The following TOPAZ1 variants were observed in gnomAD, a reference collection of about 807,000 sequenced individuals.
TOPAZ1 encodes the protein protein TOPAZ1.
A neutral mutation model predicts 172.2 loss-of-function variants in TOPAZ1; 66 were observed. The observed-to-expected ratio is 0.38, with a 90% CI of 0.31 to 0.47. The LOEUF (loss-of-function observed/expected upper bound fraction) is 0.47. TOPAZ1 is among the 20% of genes least tolerant of loss of function. The probability of loss-of-function intolerance (pLI) is 0.99; values close to 1 mark genes in which losing one functional copy is unlikely to be tolerated. For missense variants in TOPAZ1, 1,822 were observed against 1,972.4 expected, an observed-to-expected ratio of 0.92 and a Z score of 1.44; for synonymous variants, 681 against 683.9, an observed-to-expected ratio of 1.00 and a Z score of 0.07.
chr3:44,269,225 T>A lies in TOPAZ1; in HGVS notation c.3170T>A (p.Phe1057Tyr), dbSNP rs1454267815. ...ILNTWMNDFR[F>Y]LGKHSVLKLQ... ...TCTAAATCATTTCTAGATTTCAGAT[T>A]TCTGGGAAAACATTCTGTCCTAAAG... Residue 1057 changes from phenylalanine to tyrosine, a missense_variant, in exon 7 of 20, where the codon TTT becomes TAT. Physicochemically the swap from Phe to Tyr is conservative, Grantham distance 22. This residue lies in a region of TOPAZ1 where 1,489 missense variants were observed against 1,490.8 expected (regional missense o/e 1.00). Transcript: ENST00000309765. The A allele has an allele frequency of 6.5e-7, 1 of 1,544,860 alleles. No homozygotes were observed. The highest frequency in any genetic ancestry group is 1.7e-4 in the Middle Eastern group (1 of 5,974).
rs1324325873 is a variant in TOPAZ1 at position 44,245,064 on chromosome 3, T to C, written c.2558T>C (p.Ile853Thr). The C allele has an allele frequency of 1.3e-6, 2 of 1,551,572 alleles. No individual in the cohort carries two copies. The highest frequency in any genetic ancestry group is 3.9e-5 in the Admixed American group (2 of 50,966). Residue 853 changes from isoleucine (I) to threonine (T), a missense_variant, in exon 2 of 20, where the codon ATT (isoleucine) becomes ACT (threonine). Around this residue, in one of 2 missense-constraint regions of TOPAZ1, gnomAD observed 1,489 missense variants for 1,490.8 expected, o/e 1.00. Transcript: ENST00000309765. ...TTTTCAGAGGTAGGGTTTCCAGATA[T>C]TCTTAAAGCATATGAAGATGACGTC... is the stretch of plus-strand genomic sequence containing the variant. ...KNFSEVGFPD[I>T]LKAYEDDVLL...
chr3:44,269,942 A>C (rs1699877892), intron 7 of TOPAZ1, among the ~76,000 whole-genome samples: 1 of 152,184 alleles, frequency 6.6e-6, no homozygotes, highest in South Asian at 2.1e-4. Flanking sequence ...TTTTTTAAGC[A>C]GTTCCAGATA....
chr3:44,323,112 T>C lies in TOPAZ1; in HGVS notation c.4492T>C (p.Tyr1498His). 1.9e-6 allele frequency: 3 copies of C among 1,541,470 alleles called. No homozygotes were observed. Among genetic ancestry groups the C allele is most frequent in the Non-Finnish European group, 2.6e-6 (3 of 1,142,182 alleles). Residue 1498 changes from tyrosine (Y) to histidine (H), a missense_variant, in exon 18 of 20, where the codon TAT (tyrosine) becomes CAT (histidine). Physicochemically the swap from Tyr to His is moderately conservative, Grantham distance 83 (BLOSUM62 2). This residue lies in a region of TOPAZ1 where 333 missense variants were observed against 481.7 expected (regional missense o/e 0.69). Transcript: ENST00000309765. ...TCCAGAAACTGTGGAAGTCTCACAA[T>C]ATAGCCTTCTTTTTAATAAGCTTCT... Reference protein sequence around the residue: ...NSQETVEVSQYSLLFNKLLGS... With the variant: ...NSQETVEVSQHSLLFNKLLGS...
chr3:44,262,624 G>A (rs1365007182), intron 5 of TOPAZ1, 141 bp downstream of exon 5: 1 of 423,106 alleles, frequency 2.4e-6, no homozygotes, highest in African/African-American at 2.1e-5. Flanking sequence ...TAATTAATGT[G>A]TCAGATGTAC....
chr3:44,326,728 C>A (rs967081563), intron 18 of TOPAZ1, among the ~76,000 whole-genome samples: 24 of 152,046 alleles, frequency 1.6e-4, no homozygotes, highest in African/African-American at 5.6e-4. Context: ...ATTTGTTCTC[C>A]TTTGTCCTAA....
intron 12 of TOPAZ1, among the ~76,000 whole-genome samples, chr3:44,291,778 GTAA>G (rs1251778845): frequency 6.6e-6 from 1 of 151,478 alleles, no homozygotes; most frequent in Non-Finnish European, 1.5e-5. Context: ...CTTTTTAAAT[GTAA>G]TTAGATTTGA....
At chr3:44,299,957 TG>T (rs59025711) in intron 12 of TOPAZ1, among the ~76,000 whole-genome samples, 2 of 94,332 alleles carry the variant, frequency 2.1e-5, no homozygotes, top group South Asian at 3.6e-4. Context: ...TGTTGTGGGG[TG>T]GGGGGAGGGG....
At chr3:44,318,596 AG>A (rs1205679611) in intron 16 of TOPAZ1, among the ~76,000 whole-genome samples, 1 of 151,878 alleles carries the variant, frequency 6.6e-6, no homozygotes, top group Middle Eastern at 3.2e-3. Flanking sequence ...TTTCACCACC[AG>A]GCCCCAGGGC....
rs1234447011 is a variant in TOPAZ1, at chr3:44,270,830, T to C, written c.3372+20T>C. 2.6e-6 allele frequency: 4 copies of C among 1,527,414 alleles called. No individual in the cohort carries two copies. The African/African-American group carries it at 5.9e-5, about 22-fold the overall frequency. 94.6% of individuals were successfully genotyped at this position (1,527,414 alleles called of 1,614,324 possible). On this transcript the variant is annotated intron_variant, in intron 8 of 19. Coordinates refer to ENST00000309765, the MANE Select transcript of TOPAZ1 (RefSeq NM_001145030.2). Reference sequence around the variant, plus strand: ...GAAAAGGTAAAACATATAAAGTCTTTAAAGTAGAGATTGTTTTAATAACTA... The same window carrying C: ...GAAAAGGTAAAACATATAAAGTCTTCAAAGTAGAGATTGTTTTAATAACTA...
chr3:44,244,671 C>T lies in TOPAZ1; in HGVS notation c.2165C>T (p.Ser722Phe). 6.4e-7 allele frequency: 1 copy of T among 1,551,310 alleles called. No homozygotes were observed. The highest frequency in any genetic ancestry group is 8.7e-7 in the Non-Finnish European group (1 of 1,146,958). ...CCTCTAGAACTTCTGGACAATTTAT[C>T]TGGAGCAGACGTAAGACAGAACAGG... ...YSPLELLDNL[S>F]GADVRQNRSK... The change falls in exon 2 of 20, where the codon TCT (serine) becomes TTT (phenylalanine). Residue 722 changes from serine to phenylalanine, a missense_variant. Coordinates refer to ENST00000309765, the MANE Select transcript of TOPAZ1 (RefSeq NM_001145030.2).
intron 4 of TOPAZ1, among the ~76,000 whole-genome samples, chr3:44,258,756 G>A (rs1485556997): frequency 6.6e-6 from 1 of 152,128 alleles, no homozygotes; most frequent in Non-Finnish European, 1.5e-5. Context: ...GACTCTTACA[G>A]GATAAAGCTG....
intron 14 of TOPAZ1, among the ~76,000 whole-genome samples, chr3:44,305,963 C>T (rs1700332205): frequency 1.3e-5 from 2 of 152,174 alleles, no homozygotes; most frequent in African/African-American, 4.8e-5. Flanking sequence ...TAAGTTGTTA[C>T]TCTCTTTACT....
chr3:44,267,398 G>A (rs1287636773), intron 6 of TOPAZ1, among the ~76,000 whole-genome samples: 3 of 149,092 alleles, frequency 2.0e-5, no homozygotes, highest in Non-Finnish European at 3.0e-5. Context: ...AGGTTCAAGC[G>A]ATTCTCCTGC....
chr3:44,259,871 G>A (rs559466014), intron 4 of TOPAZ1, among the ~76,000 whole-genome samples: 5 of 152,270 alleles, frequency 3.3e-5, no homozygotes, highest in Non-Finnish European at 5.9e-5. Context: ...AACTTGCTGT[G>A]TATGTCCTGA....
Position 44,270,698 on chromosome 3 carries a change from C to G in TOPAZ1, c.3260C>G (p.Ser1087Cys). ...CTAATTTTCTAGGTGTTCCAGAAGT[C>G]CCTAGGGTTGATGATACCCTATAAA... is the stretch of plus-strand genomic sequence containing the variant. ...REKNVGVFQK[S>C]LGLMIPYKYC... Residue 1087 changes from serine (S) to cysteine (C), a missense_variant, in exon 8 of 20, where the codon TCC becomes TGC. By Grantham distance (112) the Ser-to-Cys change is moderately radical. Around this residue, in one of 2 missense-constraint regions of TOPAZ1, gnomAD observed 1,489 missense variants for 1,490.8 expected, o/e 1.00. Transcript: ENST00000309765. The G allele has an allele frequency of 6.5e-7, 1 of 1,547,688 alleles. No homozygotes were observed. Among genetic ancestry groups the G allele is most frequent in the Non-Finnish European group, 8.7e-7 (1 of 1,145,022 alleles).
At chr3:44,317,294 T>C (rs1373596940) in intron 16 of TOPAZ1, among the ~76,000 whole-genome samples, 2 of 151,992 alleles carry the variant, frequency 1.3e-5, no homozygotes, top group Non-Finnish European at 2.9e-5. Flanking sequence ...TGTGGCAGGC[T>C]CTGGTAATCC....
At chr3:44,281,530 C>T (rs1700023648) in intron 8 of TOPAZ1, among the ~76,000 whole-genome samples, 1 of 152,162 alleles carries the variant, frequency 6.6e-6, no homozygotes, top group Admixed American at 6.6e-5. Flanking sequence ...TTTGCAGAAT[C>T]AAATCAGCTA....
chr3:44,296,336 G>A (rs1424259990), intron 12 of TOPAZ1, among the ~76,000 whole-genome samples: 1 of 151,670 alleles, frequency 6.6e-6, no homozygotes, highest in Non-Finnish European at 1.5e-5. Flanking sequence ...ATGAATCAAT[G>A]AAGCTGAAAA....
chr3:44,242,908 T>C lies in TOPAZ1; in HGVS notation c.402T>C (p.Leu134=). The C allele has an allele frequency of 6.5e-7, 1 of 1,540,454 alleles. No homozygotes were observed. Among genetic ancestry groups the C allele is most frequent in the Non-Finnish European group, 8.7e-7 (1 of 1,144,454 alleles). ...CAAGTGATGATCCACAGCCAGGGCTTGACTTGGTAAGAAAGGAATCATTAA... is the reference window on the plus strand; with the variant it reads ...CAAGTGATGATCCACAGCCAGGGCTCGACTTGGTAAGAAAGGAATCATTAA... ...EASSDDPQPG[L]DLVRKESLTS... is the part of the protein sequence containing the mutation. Residue 134 remains leucine, a synonymous_variant, in exon 2 of 20, where the codon CTT becomes CTC. Transcript: ENST00000309765.
Sources: gnomAD v4.1 joint callset for allele counts (sites outside exome capture counted in the v4.1 genomes callset) on GRCh38, gnomAD v4.1.1 for gene constraint, gnomAD v4.1.1 regional missense constraint, MANE v1.5 for transcripts, NCBI Gene and HGNC (gene_info 2026-07-23, HGNC 2026-07-21) for gene names.